LMLN: variants seen among roughly 807,000 people sequenced by gnomAD.
LMLN encodes leishmanolysin-like peptidase.
A neutral mutation model predicts 92.3 loss-of-function variants in LMLN; 70 were observed. The ratio of observed to expected loss-of-function variants is 0.76; its 90% confidence interval spans 0.63 to 0.92. LMLN has a LOEUF of 0.92. Among genes scored for constraint, LMLN ranks in the 40% least tolerant of loss-of-function variants. The pLI is 0.00. For missense variants in LMLN, 691 were observed against 814.6 expected (o/e 0.85, Z 1.85); for synonymous variants, 308 against 296.2 (o/e 1.04, Z -0.41).
chr3:197,981,694 G>A (rs1379830626), intron 6 of LMLN, among the ~76,000 whole-genome samples: 1 of 152,138 alleles, frequency 6.6e-6, no homozygotes, highest in African/African-American at 2.4e-5. Flanking sequence ...ATCAAGTAAA[G>A]GCAGTAGAAA....
intron 11 of LMLN, among the ~76,000 whole-genome samples, chr3:198,000,803 A>C (rs1439705763): frequency 1.3e-5 from 2 of 152,226 alleles, no homozygotes; most frequent in Non-Finnish European, 2.9e-5. Flanking sequence ...GCACACTGTG[A>C]GTGCCAACTA....
At chr3:197,983,491 G>T (rs1343625042) in intron 6 of LMLN, among the ~76,000 whole-genome samples, 1 of 152,140 alleles carries the variant, frequency 6.6e-6, no homozygotes, top group African/African-American at 2.4e-5. Flanking sequence ...GCAGGAGAAA[G>T]GGAATAGCAA....
intron 8 of LMLN, among the ~76,000 whole-genome samples, chr3:197,986,852 T>C: frequency 8.4e-6 from 1 of 118,642 alleles, no homozygotes; most frequent in Non-Finnish European, 1.6e-5. Flanking sequence ...TTCTTTTTTT[T>C]TTTTTTTGAG....
chr3:198,043,216 TCTGA>T (rs752499386), exon 16 of LMLN: 1 of 152,296 alleles, frequency 6.6e-6, no homozygotes, highest in Non-Finnish European at 1.5e-5. Flanking sequence ...TCTAATACCC[TCTGA>T]CTAACACTCA....
intron 14 of LMLN, among the ~76,000 whole-genome samples, chr3:198,027,158 A>C (rs1469106222): frequency 6.6e-6 from 1 of 151,710 alleles, no homozygotes; most frequent in East Asian, 1.9e-4. Context: ...CAGCATGTTT[A>C]CTCATCTGAT....
At chr3:197,999,639 C>A in intron 11 of LMLN, 1 of 286,144 alleles carries the variant, frequency 3.5e-6, no homozygotes, top group East Asian at 7.5e-5. Context: ...GCAGTCCTCT[C>A]ACCTCAGCTT....
intron 10 of LMLN, among the ~76,000 whole-genome samples, chr3:197,997,172 CAGGCTAG>C (rs1722051592): frequency 6.6e-6 from 1 of 151,322 alleles, no homozygotes; most frequent in South Asian, 2.1e-4. Flanking sequence ...TCCACTTGGT[CAGGCTAG>C]AGTACAGTGG....
Position 197,974,903 on chromosome 3 carries a change from T to TAAAGGA in LMLN, c.318-137_318-132dup. On this transcript the variant is annotated intron_variant, in intron 2 of 15. Transcript: ENST00000330198. ...AGTGAAAGCAAGGTTATTAGAAAAGTAAAGGAATAAAAGAATGGCTGCTCC... is the reference window on the plus strand; with the variant it reads ...AGTGAAAGCAAGGTTATTAGAAAAGTAAAGGAAAAGGAATAAAAGAATGGCTGCTCC... 2 of 656,164 alleles carry TAAAGGA rather than the reference T, an allele frequency of 3.0e-6. 1 individual carries two copies. The highest frequency in any genetic ancestry group is 3.5e-5 in the South Asian group (2 of 57,182). The allele number at this position is 656,164 out of a possible 1,614,324, so 40.6% of individuals were successfully genotyped here. A position where few individuals can be genotyped will look rare whatever the true frequency, so the allele number is the denominator to read the frequency against.
At chr3:197,981,724 A>G (rs1317255004) in intron 6 of LMLN, among the ~76,000 whole-genome samples, 1 of 152,220 alleles carries the variant, frequency 6.6e-6, no homozygotes, top group East Asian at 1.9e-4. Context: ...GTCTCAGAAT[A>G]GATTGTATAT....
intron 5 of LMLN, among the ~76,000 whole-genome samples, 190 bp downstream of exon 5, chr3:197,976,905 A>G (rs1013162232): frequency 6.6e-6 from 1 of 151,324 alleles, no homozygotes; most frequent in Non-Finnish European, 1.5e-5. Flanking sequence ...TTCTTTCTTC[A>G]CTCCTCCCCA....
At chr3:198,018,784 G>A (rs982122062) in intron 11 of LMLN, among the ~76,000 whole-genome samples, 3 of 152,104 alleles carry the variant, frequency 2.0e-5, no homozygotes, top group Non-Finnish European at 2.9e-5. Context: ...CTGCTATTGT[G>A]ATATTAATAT....
At chr3:197,990,698 G>T (rs182971032) in intron 9 of LMLN, 22 bp downstream of exon 9, 1 of 1,126,172 alleles carries the variant, frequency 8.9e-7, no homozygotes, top group Non-Finnish European at 1.4e-6. Context: ...CAGACTTCAT[G>T]TCTCATGAGC....
intron 1 of LMLN, among the ~76,000 whole-genome samples, chr3:197,966,951 A>T (rs1721076933): frequency 2.6e-5 from 4 of 151,710 alleles, no homozygotes; most frequent in African/African-American, 9.7e-5. Flanking sequence ...GAGCCACCAC[A>T]CCTGGTTCAT....
exon 9 of LMLN, chr3:197,990,621 G>C: frequency 4.4e-6 from 7 of 1,605,220 alleles, no homozygotes; most frequent in Non-Finnish European, 6.0e-6. Context: ...TGGGATGTTC[G>C]AGATAATAAG....
At chr3:197,988,924 TC>T (rs1721789163) in intron 8 of LMLN, among the ~76,000 whole-genome samples, 1 of 152,102 alleles carries the variant, frequency 6.6e-6, no homozygotes, top group Non-Finnish European at 1.5e-5. Flanking sequence ...CTCTAGTGAT[TC>T]GCCCATCTCG....
At chr3:198,030,911 C>T (rs1327958349) in intron 14 of LMLN, among the ~76,000 whole-genome samples, 1 of 148,652 alleles carries the variant, frequency 6.7e-6, no homozygotes, top group African/African-American at 2.5e-5. Flanking sequence ...CAGCTAGTTT[C>T]CACCGTGATG....
At chr3:197,976,556 C>A (rs779352417) in intron 4 of LMLN, 42 bp from the exon 5 acceptor site, 2 of 1,132,916 alleles carry the variant, frequency 1.8e-6, no homozygotes, top group East Asian at 2.5e-5. Flanking sequence ...ATAAAATATT[C>A]TCTTTTTTGT....
exon 16 of LMLN, chr3:198,040,392 T>G (rs2109966110): frequency 6.6e-6 from 1 of 152,348 alleles, no homozygotes; most frequent in South Asian, 2.1e-4. Flanking sequence ...TAGTAATTTT[T>G]AATGGCTAGA....
At chr3:197,969,910 G>A (rs908537472) in intron 1 of LMLN, among the ~76,000 whole-genome samples, 10 of 152,106 alleles carry the variant, frequency 6.6e-5, no homozygotes, top group African/African-American at 2.4e-4. Context: ...TTGGGAGGCC[G>A]AGGCTGGCGG....
Sources: gnomAD v4.1 joint callset for allele counts (sites outside exome capture counted in the v4.1 genomes callset) on GRCh38, gnomAD v4.1.1 for gene constraint, MANE v1.5 for transcripts, NCBI Gene and HGNC (gene_info 2026-07-23, HGNC 2026-07-21) for gene names.